Variants in BRINP1 observed in about 807,000 individuals in gnomAD.
BRINP1 encodes the protein BMP/retinoic acid inducible neural specific 1.
Under a neutral mutation model 72.9 loss-of-function variants are expected in BRINP1, and 17 were observed. The ratio of observed to expected loss-of-function variants is 0.23; its 90% CI spans 0.16 to 0.35. BRINP1 has a LOEUF of 0.35. BRINP1 is among the 10% of genes least tolerant of loss of function. The pLI is 1.00. For synonymous variants in BRINP1, 418 were observed against 378.5 expected (o/e 1.10, Z -1.21); for missense variants, 850 against 1,001.6 (o/e 0.85, Z 2.04).
chr9:119,222,578 A>C (rs948524003), intron 5 of BRINP1, among the ~76,000 whole-genome samples: 1 of 151,830 alleles, frequency 6.6e-6, no homozygotes, highest in Non-Finnish European at 1.5e-5. Context: ...TAAGGCATCC[A>C]TCATGTGCAG....
chr9:119,226,420 C>A (rs548597284), intron 5 of BRINP1, among the ~76,000 whole-genome samples: 1 of 151,990 alleles, frequency 6.6e-6, no homozygotes, highest in East Asian at 1.9e-4. Context: ...GCGTACTTGG[C>A]CACAAGTTTA....
chr9:119,365,055 A>T (rs1334039260), intron 1 of BRINP1, among the ~76,000 whole-genome samples: 2 of 152,216 alleles, frequency 1.3e-5, no homozygotes, highest in Non-Finnish European at 2.9e-5. Context: ...TGCTCCTGAG[A>T]CCATACTGAA....
intron 2 of BRINP1, among the ~76,000 whole-genome samples, chr9:119,281,772 CTTTA>C (rs1192790428): frequency 2.0e-5 from 3 of 152,100 alleles, no homozygotes; most frequent in African/African-American, 7.2e-5. Context: ...ATGCAACTTG[CTTTA>C]TTTTTCATTT....
In BRINP1 at chr9:119,172,075, A is replaced by G. The variant is rs937366486; in HGVS notation, c.1146-3851T>C. Among the ~76,000 whole-genome samples the G allele has an allele frequency of 5.3e-4, 77 of 145,944 alleles. 1 individual carries two copies. The highest frequency in any genetic ancestry group is 1.6e-3 in the African/African-American group (62 of 38,226). On this transcript the variant is annotated intron_variant, in intron 7 of 7. Transcript: ENST00000265922. ...CCCTAACATCACAATTAAAAGAACT[A>G]GAAAAGCAAGAGCAAACACATTCAA... is the stretch of plus-strand genomic sequence containing the variant.
rs765292864 is a variant in BRINP1 at position 119,208,862 on chromosome 9, A to C, written c.1002T>G (p.Asn334Lys). 1 of 1,614,086 alleles carries C rather than the reference A, an allele frequency of 6.2e-7. No homozygotes were observed. Among genetic ancestry groups the C allele is most frequent in the Non-Finnish European group, 8.5e-7 (1 of 1,180,018 alleles). The change falls in exon 7 of 8, where the codon AAT (asparagine) becomes AAG (lysine). Residue 334 changes from asparagine (N) to lysine (K), a missense_variant. By Grantham distance (94) the Asn-to-Lys change is moderately conservative. Coordinates refer to ENST00000265922, the MANE Select transcript of BRINP1 (RefSeq NM_014618.3). ...TGTAGCGGTTCTGCAGGTCCCAGTC[A>C]TTGCCCCAGTGCTGATGGATGCTTC... ...TIGSIHQHWGNDWDLQNRYKL... is the reference protein window; with the variant it reads ...TIGSIHQHWGKDWDLQNRYKL...
intron 1 of BRINP1, among the ~76,000 whole-genome samples, chr9:119,344,967 C>T (rs1055892579): frequency 2.6e-5 from 4 of 152,118 alleles, no homozygotes; most frequent in South Asian, 2.1e-4. Flanking sequence ...CTTCTCTGCA[C>T]GAAGACAAAT....
At chr9:119,350,247 G>A (rs1055059757) in intron 1 of BRINP1, among the ~76,000 whole-genome samples, 1 of 152,142 alleles carries the variant, frequency 6.6e-6, no homozygotes, top group Non-Finnish European at 1.5e-5. Flanking sequence ...TTTTAGAACA[G>A]GGGAACTTTA....
intron 3 of BRINP1, among the ~76,000 whole-genome samples, chr9:119,245,601 C>T (rs898332757): frequency 6.6e-6 from 1 of 152,108 alleles, no homozygotes; most frequent in Non-Finnish European, 1.5e-5. Flanking sequence ...TCTGGAGATC[C>T]CATGGAAATC....
chr9:119,303,041 G>A (rs1378302503), intron 2 of BRINP1, among the ~76,000 whole-genome samples: 1 of 151,926 alleles, frequency 6.6e-6, no homozygotes. Flanking sequence ...ATCTCAAACT[G>A]TTTACCAGCA....
chr9:119,205,115 G>T (rs1164382852), intron 7 of BRINP1, among the ~76,000 whole-genome samples: 1 of 152,140 alleles, frequency 6.6e-6, no homozygotes, highest in Non-Finnish European at 1.5e-5. Flanking sequence ...CTCCATGCCA[G>T]AGAGGTGCCC....
At chr9:119,338,116 G>C (rs963544855) in intron 1 of BRINP1, among the ~76,000 whole-genome samples, 1 of 152,196 alleles carries the variant, frequency 6.6e-6, no homozygotes, top group Non-Finnish European at 1.5e-5. Context: ...GCAGGGAGGA[G>C]TGTTGAGTTG....
intron 2 of BRINP1, among the ~76,000 whole-genome samples, chr9:119,263,094 C>T (rs1488130572): frequency 6.6e-6 from 1 of 152,172 alleles, no homozygotes; most frequent in African/African-American, 2.4e-5. Context: ...CACCATCCTG[C>T]CCTTCAGGCC....
intron 1 of BRINP1, among the ~76,000 whole-genome samples, chr9:119,361,206 G>A (rs1212970294): frequency 2.0e-5 from 3 of 151,996 alleles, no homozygotes; most frequent in Admixed American, 2.0e-4. Flanking sequence ...ATCTCCAAAA[G>A]ATAGTTCCCT....
chr9:119,211,402 G>C (rs1426425763), intron 6 of BRINP1, among the ~76,000 whole-genome samples: 3 of 152,100 alleles, frequency 2.0e-5, no homozygotes, highest in African/African-American at 7.2e-5. Context: ...TCATCATATT[G>C]GTCAGGCTGG....
intron 2 of BRINP1, among the ~76,000 whole-genome samples, chr9:119,295,158 T>A (rs1830861990): frequency 6.7e-6 from 1 of 149,116 alleles, no homozygotes; most frequent in Non-Finnish European, 1.5e-5. Context: ...TTATTATTTT[T>A]AATTTTTTTT....
At chr9:119,250,069 GAAGGAAGGAAGA>G (rs1249316301) in intron 2 of BRINP1, among the ~76,000 whole-genome samples, 1 of 112,352 alleles carries the variant, frequency 8.9e-6, no homozygotes, top group Non-Finnish European at 1.9e-5. Context: ...AGGGAAGAAG[GAAGGAAGGAAGA>G]AAGGAAGGAA....
At chr9:119,281,984 T>A (rs1289516313) in intron 2 of BRINP1, among the ~76,000 whole-genome samples, 1 of 152,232 alleles carries the variant, frequency 6.6e-6, no homozygotes, top group Non-Finnish European at 1.5e-5. Context: ...TAAGTGTACC[T>A]CTGCACACAT....
intron 1 of BRINP1, among the ~76,000 whole-genome samples, chr9:119,338,141 T>TA (rs1211920108): frequency 2.0e-5 from 3 of 152,190 alleles, no homozygotes; most frequent in Admixed American, 6.5e-5. Context: ...AGAGGATATC[T>TA]AGGCCAATGC....
At chr9:119,312,831 G>T (rs1194417991) in intron 2 of BRINP1, among the ~76,000 whole-genome samples, 1 of 152,040 alleles carries the variant, frequency 6.6e-6, no homozygotes, top group Non-Finnish European at 1.5e-5. Flanking sequence ...TGTAAAGTGG[G>T]AAAAACAATC....
Sources: allele counts gnomAD v4.1 joint callset (sites outside exome capture counted in the v4.1 genomes callset), GRCh38; gene constraint gnomAD v4.1.1; transcripts MANE v1.5; gene names NCBI Gene and HGNC (gene_info 2026-07-23, HGNC 2026-07-21).